EBF1: variants seen among roughly 807,000 people sequenced by gnomAD.
The protein encoded by EBF1 is EBF transcription factor 1.
A neutral mutation model predicts 68.4 loss-of-function variants in EBF1; 10 were observed. That is an observed-to-expected ratio of 0.15 (90% CI 0.09 to 0.25). EBF1 has a LOEUF of 0.25. Among genes scored for constraint, EBF1 ranks in the 10% least tolerant of loss-of-function variants. EBF1 has a pLI of 1.00. For missense variants in EBF1, 509 were observed against 794.4 expected, an observed-to-expected ratio of 0.64 and a Z score of 4.32; for synonymous variants, 298 against 299.8, an observed-to-expected ratio of 0.99 and a Z score of 0.06.
intron 6 of EBF1, among the ~76,000 whole-genome samples, chr5:159,003,612 T>C (rs551264596): frequency 1.4e-4 from 21 of 152,364 alleles, no homozygotes; most frequent in African/African-American, 5.0e-4. Flanking sequence ...AGAGCACATA[T>C]GCACGGATCT....
chr5:158,966,363 T>C (rs1754099314), intron 6 of EBF1, among the ~76,000 whole-genome samples: 1 of 152,184 alleles, frequency 6.6e-6, no homozygotes, highest in Non-Finnish European at 1.5e-5. Context: ...AAAGAAAAAG[T>C]CCTTCCAATT....
chr5:158,853,717 G>T (rs533067439), intron 6 of EBF1, among the ~76,000 whole-genome samples: 3 of 152,148 alleles, frequency 2.0e-5, no homozygotes, highest in South Asian at 4.2e-4. Flanking sequence ...TAACTTTTAG[G>T]CTCCACAACT....
chr5:158,755,322 C>T (rs17712788), intron 10 of EBF1, among the ~76,000 whole-genome samples: 25,416 of 152,022 alleles, frequency 0.17, 2,491 homozygotes, highest in Non-Finnish European at 0.22. Context: ...TCTCTAGTTC[C>T]CTGGACTCCC....
At chr5:158,961,670 T>G (rs1223248032) in intron 6 of EBF1, among the ~76,000 whole-genome samples, 1 of 152,240 alleles carries the variant, frequency 6.6e-6, no homozygotes, top group Non-Finnish European at 1.5e-5. Context: ...TCTGTATTCT[T>G]TTAAATTCTC....
intron 10 of EBF1, among the ~76,000 whole-genome samples, chr5:158,768,158 C>T (rs1010856805): frequency 1.1e-4 from 16 of 151,994 alleles, no homozygotes; most frequent in Non-Finnish European, 2.4e-4. Flanking sequence ...ATCCTGACCC[C>T]AAATAATCCA....
chr5:158,930,153 G>A (rs1810534249), intron 6 of EBF1, among the ~76,000 whole-genome samples: 1 of 151,914 alleles, frequency 6.6e-6, no homozygotes, highest in African/African-American at 2.4e-5. Context: ...ATGCAAGTTA[G>A]TCAGGTGTAT....
intron 4 of EBF1, among the ~76,000 whole-genome samples, chr5:159,088,774 G>T (rs1189223653): frequency 1.3e-5 from 2 of 152,068 alleles, no homozygotes; most frequent in South Asian, 4.1e-4. Context: ...AAGTGAAGAT[G>T]GGATGCCTGC....
chr5:159,051,410 C>G (rs927257394), intron 6 of EBF1, among the ~76,000 whole-genome samples: 1 of 131,016 alleles, frequency 7.6e-6, no homozygotes, highest in African/African-American at 2.9e-5. Context: ...CATTCCCTCC[C>G]CCTCCCCCCC....
At chr5:158,777,025 G>A (rs1057077905) in intron 10 of EBF1, among the ~76,000 whole-genome samples, 1 of 152,154 alleles carries the variant, frequency 6.6e-6, no homozygotes, top group Non-Finnish European at 1.5e-5. Context: ...TGTAATACAA[G>A]TGCCGTGAAC....
chr5:158,935,350 G>A (rs890441134), intron 6 of EBF1, among the ~76,000 whole-genome samples: 11 of 152,170 alleles, frequency 7.2e-5, no homozygotes, highest in Admixed American at 6.5e-5. Context: ...TTCCGGAGAC[G>A]CAAATGTGCT....
intron 5 of EBF1, among the ~76,000 whole-genome samples, chr5:159,076,939 T>G (rs115255709): frequency 8.1e-4 from 123 of 152,296 alleles, no homozygotes; most frequent in African/African-American, 2.8e-3. Flanking sequence ...TTAGAAGCAC[T>G]GGAATGGAAA....
At chr5:158,715,579 C>T (rs1434321154) in intron 11 of EBF1, among the ~76,000 whole-genome samples, 2 of 151,988 alleles carry the variant, frequency 1.3e-5, no homozygotes, top group Admixed American at 1.3e-4. Flanking sequence ...TGATAGACCC[C>T]CTTTATAAAA....
rs530873430 is a variant in EBF1, at chr5:159,059,954, G to C, written c.554+13442C>G. On this transcript the variant is annotated intron_variant, in intron 6 of 15. Coordinates refer to ENST00000313708, the MANE Select transcript of EBF1 (RefSeq NM_024007.5). ...TCCACACTGCTGTTGAGGTCAGCCT[G>C]CCTTGACCTTTGAAACAGGAAGTAA... Among the ~76,000 whole-genome samples, 7 of 152,288 alleles carry C rather than the reference G, an allele frequency of 4.6e-5. No homozygotes were observed. The South Asian group carries it at 1.2e-3, about 27-fold the overall frequency.
At chr5:158,825,377 T>C (rs979711110) in intron 7 of EBF1, among the ~76,000 whole-genome samples, 3 of 152,222 alleles carry the variant, frequency 2.0e-5, no homozygotes, top group African/African-American at 7.2e-5. Flanking sequence ...GAGACCACAA[T>C]TGAGCGGTCA....
At chr5:158,756,427 T>C (rs1047636420) in intron 10 of EBF1, among the ~76,000 whole-genome samples, 4 of 152,140 alleles carry the variant, frequency 2.6e-5, no homozygotes, top group African/African-American at 9.7e-5. Context: ...ATTTGATTTT[T>C]TCTTTTGCCC....
intron 6 of EBF1, among the ~76,000 whole-genome samples, chr5:159,027,928 C>T (rs1768016885): frequency 6.6e-6 from 1 of 152,132 alleles, no homozygotes; most frequent in Non-Finnish European, 1.5e-5. Flanking sequence ...TTCATTTACT[C>T]TCTTCTGGAA....
intron 6 of EBF1, among the ~76,000 whole-genome samples, chr5:158,979,462 G>A (rs1487479094): frequency 6.6e-6 from 1 of 152,138 alleles, no homozygotes; most frequent in Non-Finnish European, 1.5e-5. Context: ...GAGCCAGGAT[G>A]GAGGGTCATA....
intron 6 of EBF1, among the ~76,000 whole-genome samples, chr5:158,971,246 A>C (rs1461466088): frequency 1.3e-5 from 2 of 152,232 alleles, no homozygotes; most frequent in Non-Finnish European, 2.9e-5. Context: ...GGATGATGAA[A>C]GTCACAGAGC....
chr5:158,788,211 G>A (rs1423467736), intron 9 of EBF1, among the ~76,000 whole-genome samples: 1 of 152,154 alleles, frequency 6.6e-6, no homozygotes, highest in African/African-American at 2.4e-5. Context: ...AAGGAACACA[G>A]TATGGTAGAA....
Sources: allele counts gnomAD v4.1 joint callset (sites outside exome capture counted in the v4.1 genomes callset), GRCh38; gene constraint gnomAD v4.1.1; transcripts MANE v1.5; gene names NCBI Gene and HGNC (gene_info 2026-07-23, HGNC 2026-07-21).